KPNA5: variants seen among roughly 807,000 people sequenced by gnomAD.
KPNA5 encodes karyopherin subunit alpha 5.
KPNA5 carries 46 observed loss-of-function variants against 71.3 expected under a neutral mutation model. The ratio of observed to expected loss-of-function variants is 0.65; its 90% CI spans 0.51 to 0.83. KPNA5 has a LOEUF of 0.83. Among genes scored for constraint, KPNA5 ranks in the 40% least tolerant of loss-of-function variants. The pLI is 0.00. For missense variants in KPNA5, 547 were observed against 628.3 expected (o/e 0.87, Z 1.38); for synonymous variants, 207 against 201.4 (o/e 1.03, Z -0.24).
chr6:116,703,323 C>G (rs1422193128), intron 6 of KPNA5, among the ~76,000 whole-genome samples: 1 of 150,856 alleles, frequency 6.6e-6, no homozygotes, highest in African/African-American at 2.4e-5. Context: ...AATGCAATGG[C>G]GCGATCTCGG....
intron 4 of KPNA5, among the ~76,000 whole-genome samples, chr6:116,695,743 C>A (rs1208933475): frequency 1.3e-5 from 2 of 152,146 alleles, no homozygotes; most frequent in Non-Finnish European, 2.9e-5. Flanking sequence ...CACAATACTT[C>A]ACAGTTTTGG....
Position 116,732,092 on chromosome 6 carries a change from ATATATATATATATATATATATATAT to A in KPNA5, c.1433-43_1433-19del. The stretch of plus-strand genomic sequence containing the variant: ...AGTTTGTTTATATATATATATATAT[ATATATATATATATATATATATATAT>A]ATATACTTTGTATAACAGGTCTGGA... On this transcript the variant is annotated intron_variant, in intron 13 of 13. Transcript: ENST00000368564. 1 of 71,400 alleles carries A rather than the reference ATATATATATATATATATATATATAT, an allele frequency of 1.4e-5. No homozygotes were observed. Among genetic ancestry groups the A allele is most frequent in the East Asian group, 6.4e-4 (1 of 1,570 alleles). 4.4% of individuals were successfully genotyped at this position (71,400 alleles called of 1,614,324 possible).
chr6:116,727,423 T>A (rs1779330373), intron 12 of KPNA5, among the ~76,000 whole-genome samples: 1 of 152,030 alleles, frequency 6.6e-6, no homozygotes. Context: ...TAATGCAAAT[T>A]TAAAAACACA....
chr6:116,695,050 A>G (rs1777970034), intron 4 of KPNA5, among the ~76,000 whole-genome samples: 1 of 152,110 alleles, frequency 6.6e-6, no homozygotes. Context: ...TTCCAGGCTC[A>G]GGTGATTCTC....
At position 116,735,591 on chromosome 6, in the gene KPNA5, T is replaced by C. The variant is rs1432207251; in HGVS notation, c.*3268T>C. On this transcript the variant is annotated 3_prime_UTR_variant, in exon 14 of 14. Coordinates refer to ENST00000368564, the MANE Select transcript of KPNA5 (RefSeq NM_001366306.2). ...AACTTTTGAGTAGTATGCAATATTA[T>C]GAAATGTTACAACACTATATTAAAA... 1 of 151,748 alleles carries C rather than the reference T, an allele frequency of 6.6e-6. No homozygotes were observed. The highest frequency in any genetic ancestry group is 1.5e-5 in the Non-Finnish European group (1 of 67,738). The allele number at this position is 151,748 out of a possible 1,614,324, so 9.4% of individuals were successfully genotyped here. A position where few individuals can be genotyped will look rare whatever the true frequency, so the allele number is the denominator to read the frequency against.
chr6:116,715,053 G>A (rs998818730), intron 7 of KPNA5, among the ~76,000 whole-genome samples: 1 of 152,024 alleles, frequency 6.6e-6, no homozygotes, highest in Non-Finnish European at 1.5e-5. Flanking sequence ...ATAAACTTTT[G>A]ACTATCTTCA....
At position 116,716,186 on chromosome 6, in the gene KPNA5, G is replaced by T. The variant is rs755057715; in HGVS notation, c.657-33G>T. 7 of 1,478,814 alleles carry T rather than the reference G, an allele frequency of 4.7e-6. No individual in the cohort carries two copies. The Admixed American group carries it at 1.2e-4, about 26-fold the overall frequency. 91.6% of individuals were successfully genotyped at this position (1,478,814 alleles called of 1,614,324 possible). On this transcript the variant is annotated intron_variant, in intron 7 of 13. Transcript: ENST00000368564. ...AGCTAAAGAGGAAAAATGAATGTAA[G>T]GTGATAATTCTTTTTTTTCTTTTTC...
intron 1 of KPNA5, among the ~76,000 whole-genome samples, chr6:116,683,417 T>C (rs992369706): frequency 1.1e-4 from 16 of 152,144 alleles, no homozygotes; most frequent in Non-Finnish European, 2.4e-4. Context: ...ATTTTATATA[T>C]ATTGAGCGTA....
intron 1 of KPNA5, among the ~76,000 whole-genome samples, chr6:116,687,260 A>G (rs1053295400): frequency 1.3e-5 from 2 of 152,004 alleles, no homozygotes; most frequent in African/African-American, 2.4e-5. Flanking sequence ...TTGGCTGGCT[A>G]TATTTTGAGG....
At chr6:116,682,284 G>C (rs749013521) in intron 1 of KPNA5, among the ~76,000 whole-genome samples, 1 of 152,066 alleles carries the variant, frequency 6.6e-6, no homozygotes, top group African/African-American at 2.4e-5. Flanking sequence ...AGCCGAGAGC[G>C]CCATTGCACT....
In KPNA5 at chr6:116,698,576, A is replaced by G. The variant is rs59391484; in HGVS notation, c.341-128A>G. On this transcript the variant is annotated intron_variant, in intron 4 of 13. Transcript: ENST00000368564. ...AATTTGACTTCAATTACATCTAGCTAAGGGTTTTAATCTTGGGTCAGGGAA... is the reference window on the plus strand; with the variant it reads ...AATTTGACTTCAATTACATCTAGCTGAGGGTTTTAATCTTGGGTCAGGGAA... 2,199 of 586,504 alleles carry G rather than the reference A, an allele frequency of 3.7e-3. 48 individuals are homozygous for G. In the African/African-American group the frequency reaches 0.041, roughly 11 times the overall value. 36.3% of individuals were successfully genotyped at this position (586,504 alleles called of 1,614,324 possible). A position where few individuals can be genotyped will look rare whatever the true frequency, so the allele number is the denominator to read the frequency against.
At chr6:116,687,351 C>T (rs1349455899) in intron 1 of KPNA5, among the ~76,000 whole-genome samples, 5 of 152,026 alleles carry the variant, frequency 3.3e-5, no homozygotes, top group Non-Finnish European at 7.4e-5. Flanking sequence ...CAGGAAAAGG[C>T]AGAACTATAG....
chr6:116,706,217 C>T (rs553397779), intron 7 of KPNA5, among the ~76,000 whole-genome samples: 2 of 152,278 alleles, frequency 1.3e-5, no homozygotes, highest in Non-Finnish European at 2.9e-5. Flanking sequence ...TGTTCTGTCT[C>T]TATGTCATTT....
intron 7 of KPNA5, among the ~76,000 whole-genome samples, chr6:116,707,130 C>G (rs1760059355): frequency 6.6e-6 from 1 of 151,812 alleles, no homozygotes. Flanking sequence ...CGCCACTGCA[C>G]TCCAACTTGG....
intron 8 of KPNA5, among the ~76,000 whole-genome samples, chr6:116,720,268 G>A (rs969584835): frequency 6.6e-6 from 1 of 152,130 alleles, no homozygotes; most frequent in Non-Finnish European, 1.5e-5. Context: ...TCCCTCTCCT[G>A]GCATTAAGCT....
At chr6:116,724,879 C>T (rs927745718) in intron 10 of KPNA5, among the ~76,000 whole-genome samples, 4 of 152,058 alleles carry the variant, frequency 2.6e-5, no homozygotes, top group African/African-American at 9.7e-5. Context: ...CCTCTCAAAG[C>T]GTTAGACTTA....
chr6:116,733,184 G>T lies in KPNA5; in HGVS notation c.*861G>T, dbSNP rs1394261074. On this transcript the variant is annotated 3_prime_UTR_variant, in exon 14 of 14. Coordinates refer to ENST00000368564, the MANE Select transcript of KPNA5 (RefSeq NM_001366306.2). ...GTCATCATGAATCTAAAGTAGTGCT[G>T]CATATCTAAAATAATAACTAATTAT... 1 of 151,686 alleles carries T rather than the reference G, an allele frequency of 6.6e-6. No homozygotes were observed. The highest frequency in any genetic ancestry group is 1.5e-5 in the Non-Finnish European group (1 of 67,730). The allele number at this position is 151,686 out of a possible 1,614,324, so 9.4% of individuals were successfully genotyped here.
chr6:116,732,461 C>G lies in KPNA5; in HGVS notation c.*138C>G, dbSNP rs1388456958. 2.6e-6 allele frequency: 1 copy of G among 387,214 alleles called. No individual in the cohort carries two copies. Among genetic ancestry groups the G allele is most frequent in the Non-Finnish European group, 4.5e-6 (1 of 220,466 alleles). 24.0% of individuals were successfully genotyped at this position (387,214 alleles called of 1,614,324 possible). On this transcript the variant is annotated 3_prime_UTR_variant, in exon 14 of 14. Transcript: ENST00000368564. ...TGCACTTTTAGAAAGCAAAATGAAA[C>G]AAAAATTTCCATTCAGATGCAACCT... is the stretch of plus-strand genomic sequence containing the variant.
In KPNA5 at chr6:116,705,105, A is replaced by G. The variant is rs768643204; in HGVS notation, c.601A>G (p.Asn201Asp). The change falls in exon 7 of 14, where the codon AAT (asparagine) becomes GAT (aspartate). Residue 201 changes from asparagine (N) to aspartate (D), a missense_variant. By Grantham distance (23) the Asn-to-Asp change is conservative. Coordinates refer to ENST00000368564, the MANE Select transcript of KPNA5 (RefSeq NM_001366306.2). ...GGCACTTGGTAATATTGCTGGTGACAATGCAGAATGCAGAGATTTTGTTTT... is the reference window on the plus strand; with the variant it reads ...GGCACTTGGTAATATTGCTGGTGACGATGCAGAATGCAGAGATTTTGTTTT... ...VWALGNIAGD[N>D]AECRDFVLNC... 2.5e-6 allele frequency: 4 copies of G among 1,612,898 alleles called. No individual in the cohort carries two copies. Among genetic ancestry groups the G allele is most frequent in the Non-Finnish European group, 3.4e-6 (4 of 1,179,674 alleles).
Sources: allele counts gnomAD v4.1 joint callset (sites outside exome capture counted in the v4.1 genomes callset), GRCh38; gene constraint gnomAD v4.1.1; transcripts MANE v1.5; gene names NCBI Gene and HGNC (gene_info 2026-07-23, HGNC 2026-07-21).